CASQ2: variants seen among roughly 807,000 people sequenced by gnomAD.
The protein encoded by CASQ2 is calsequestrin 2, also known as calsequestrin-2.
In CASQ2, 49 loss-of-function variants were observed where a neutral mutation model predicts 46.5. The observed-to-expected ratio is 1.05, with a 90% CI of 0.84 to 1.34. The LOEUF (loss-of-function observed/expected upper bound fraction) is 1.34, where lower values mean the gene tolerates loss of function less well. CASQ2 is among the 40% of genes most tolerant of loss of function. The pLI is 0.00. For synonymous variants in CASQ2, 174 were observed against 168.5 expected (o/e 1.03, Z -0.25); for missense variants, 486 against 481.3 (o/e 1.01, Z -0.09).
chr1:115,743,620 A>G (rs920908311), intron 2 of CASQ2, among the ~76,000 whole-genome samples: 1 of 152,010 alleles, frequency 6.6e-6, no homozygotes, highest in Non-Finnish European at 1.5e-5. Flanking sequence ...AATAGAAAAC[A>G]GTTGTCTGTA....
intron 1 of CASQ2, among the ~76,000 whole-genome samples, chr1:115,763,422 AGAG>A: frequency 6.6e-6 from 1 of 152,212 alleles, no homozygotes; most frequent in Non-Finnish European, 1.5e-5. Context: ...CTAGCCCCAG[AGAG>A]GAGGAGTGAA....
At chr1:115,766,846 T>C (rs915086369) in intron 1 of CASQ2, among the ~76,000 whole-genome samples, 4 of 151,650 alleles carry the variant, frequency 2.6e-5, no homozygotes, top group Admixed American at 2.6e-4. Context: ...GGGACAGATA[T>C]ACTTGGGGGA....
chr1:115,731,841 G>A (rs1647794169), intron 5 of CASQ2, among the ~76,000 whole-genome samples: 1 of 152,298 alleles, frequency 6.6e-6, no homozygotes, highest in East Asian at 1.9e-4. Context: ...TAACTTCTTA[G>A]CACACACTCT....
At chr1:115,704,445 AG>A (rs1349831955) in intron 9 of CASQ2, among the ~76,000 whole-genome samples, 2 of 152,174 alleles carry the variant, frequency 1.3e-5, no homozygotes, top group Non-Finnish European at 2.9e-5. Flanking sequence ...CCTACTTCAC[AG>A]GGTTGTTGAG....
intron 7 of CASQ2, among the ~76,000 whole-genome samples, chr1:115,719,978 C>T (rs1310901373): frequency 6.6e-6 from 1 of 152,092 alleles, no homozygotes; most frequent in Non-Finnish European, 1.5e-5. Flanking sequence ...CTGCTATTTG[C>T]CACTTTTTCT....
intron 2 of CASQ2, among the ~76,000 whole-genome samples, chr1:115,743,982 C>A (rs1312526183): frequency 3.4e-5 from 5 of 149,010 alleles, no homozygotes; most frequent in Admixed American, 6.7e-5. Context: ...CATAAAAATA[C>A]AAAAAAAAAA....
chr1:115,755,627 T>C (rs763920843), intron 1 of CASQ2, among the ~76,000 whole-genome samples: 8 of 152,242 alleles, frequency 5.3e-5, no homozygotes, highest in Non-Finnish European at 1.2e-4. Flanking sequence ...TGATAGCATC[T>C]GCTAATGACA....
chr1:115,751,451 G>A (rs537240406), intron 1 of CASQ2, among the ~76,000 whole-genome samples: 11 of 151,928 alleles, frequency 7.2e-5, no homozygotes, highest in Non-Finnish European at 1.3e-4. Flanking sequence ...GGCGGAACAC[G>A]AGGTCAGGAG....
intron 5 of CASQ2, among the ~76,000 whole-genome samples, chr1:115,728,498 G>A (rs1647671925): frequency 6.6e-6 from 1 of 152,086 alleles, no homozygotes; most frequent in African/African-American, 2.4e-5. Flanking sequence ...AGGTGATGAG[G>A]CAGGGAGCCA....
intron 5 of CASQ2, among the ~76,000 whole-genome samples, chr1:115,730,841 T>G (rs927486717): frequency 2.6e-5 from 4 of 152,172 alleles, no homozygotes; most frequent in African/African-American, 9.7e-5. Flanking sequence ...ACAAAGCACC[T>G]CCAGGTCCCT....
chr1:115,718,586 C>A (rs888794243), intron 7 of CASQ2, among the ~76,000 whole-genome samples: 4 of 152,064 alleles, frequency 2.6e-5, no homozygotes, highest in Non-Finnish European at 4.4e-5. Context: ...GAAGTCCTTG[C>A]CCAGTCAGTA....
intron 1 of CASQ2, among the ~76,000 whole-genome samples, chr1:115,767,441 G>A (rs1649171372): frequency 6.6e-6 from 1 of 152,164 alleles, no homozygotes; most frequent in Non-Finnish European, 1.5e-5. Flanking sequence ...CTCTGATTGT[G>A]CTGGTTAATA....
intron 8 of CASQ2, among the ~76,000 whole-genome samples, chr1:115,711,885 C>T (rs1173287061): frequency 6.6e-6 from 1 of 152,090 alleles, no homozygotes; most frequent in Non-Finnish European, 1.5e-5. Flanking sequence ...GAACTCCTGA[C>T]CTTGTGATTC....
intron 5 of CASQ2, among the ~76,000 whole-genome samples, chr1:115,729,363 T>C (rs1165534574): frequency 6.6e-6 from 1 of 152,164 alleles, no homozygotes; most frequent in Non-Finnish European, 1.5e-5. Context: ...CCCTCTTTCA[T>C]TCTTATTATT....
chr1:115,742,943 A>G (rs902938459), intron 2 of CASQ2, among the ~76,000 whole-genome samples: 3 of 151,964 alleles, frequency 2.0e-5, no homozygotes, highest in African/African-American at 7.2e-5. Flanking sequence ...ACCCGCCACC[A>G]TGCCCGGCTA....
At chr1:115,714,503 C>A (rs1654639548) in intron 8 of CASQ2, among the ~76,000 whole-genome samples, 1 of 152,088 alleles carries the variant, frequency 6.6e-6, no homozygotes, top group Non-Finnish European at 1.5e-5. Flanking sequence ...TTAAGAAGAA[C>A]TGTATTATTT....
intron 2 of CASQ2, among the ~76,000 whole-genome samples, chr1:115,744,000 T>G (rs1648295213): frequency 6.9e-6 from 1 of 145,826 alleles, no homozygotes; most frequent in Non-Finnish European, 1.5e-5. Flanking sequence ...AAAAATGAAC[T>G]GAGCGTGGTG....
At chr1:115,708,893 C>T (rs1046577992) in intron 8 of CASQ2, among the ~76,000 whole-genome samples, 1 of 152,212 alleles carries the variant, frequency 6.6e-6, no homozygotes, top group Non-Finnish European at 1.5e-5. Context: ...CTCCTTCCAG[C>T]TCCTGTTGCC....
intron 7 of CASQ2, among the ~76,000 whole-genome samples, chr1:115,718,498 C>A (rs984879319): frequency 3.9e-5 from 6 of 152,190 alleles, no homozygotes; most frequent in African/African-American, 1.4e-4. Flanking sequence ...GGTTGTGCTT[C>A]CCTGTTAGGA....
Sources: gnomAD v4.1 joint callset for allele counts (sites outside exome capture counted in the v4.1 genomes callset) on GRCh38, gnomAD v4.1.1 for gene constraint, MANE v1.5 for transcripts, NCBI Gene and HGNC (gene_info 2026-07-23, HGNC 2026-07-21) for gene names.